The following PDLIM1 variants were observed in gnomAD, a reference collection of about 807,000 sequenced individuals.
PDLIM1 encodes the protein PDZ and LIM domain 1, also known as PDZ and LIM domain protein 1.
A neutral mutation model predicts 35.2 loss-of-function variants in PDLIM1; 25 were observed. The ratio of observed to expected loss-of-function variants is 0.71; its 90% CI spans 0.52 to 0.99. The LOEUF (loss-of-function observed/expected upper bound fraction) is 0.99. Ranked by LOEUF, PDLIM1 falls within the 50% of genes least tolerant of loss-of-function variation. The pLI is 0.00. For synonymous variants in PDLIM1, 152 were observed against 154.0 expected, an observed-to-expected ratio of 0.99 and a Z score of 0.10; for missense variants, 363 against 415.3, an observed-to-expected ratio of 0.87 and a Z score of 1.09.
intron 5 of PDLIM1, among the ~76,000 whole-genome samples, chr10:95,244,037 G>A (rs1179838893): frequency 1.3e-5 from 2 of 152,098 alleles, no homozygotes; most frequent in African/African-American, 4.8e-5. Context: ...GGTGATAGTA[G>A]CACAATCACA....
At chr10:95,259,949 T>G (rs2035346740) in intron 4 of PDLIM1, among the ~76,000 whole-genome samples, 1 of 152,176 alleles carries the variant, frequency 6.6e-6, no homozygotes. Flanking sequence ...CTGGCTGAAT[T>G]TAATGGGCAA....
intron 1 of PDLIM1, among the ~76,000 whole-genome samples, chr10:95,281,503 G>A (rs1320550088): frequency 1.3e-5 from 2 of 152,172 alleles, no homozygotes; most frequent in Non-Finnish European, 1.5e-5. Context: ...GGAAGTGGAG[G>A]CTGCAGTTAG....
At chr10:95,251,769 C>T (rs1242781134) in intron 4 of PDLIM1, among the ~76,000 whole-genome samples, 7 of 152,114 alleles carry the variant, frequency 4.6e-5, no homozygotes, top group African/African-American at 1.4e-4. Flanking sequence ...CCCAGTAAAA[C>T]CAAAAACCCT....
chr10:95,282,551 G>A (rs376282039), intron 1 of PDLIM1, among the ~76,000 whole-genome samples: 119 of 152,300 alleles, frequency 7.8e-4, no homozygotes, highest in Non-Finnish European at 1.6e-3. Flanking sequence ...TCAAAGAGAC[G>A]TGCTGCTCTC....
Position 95,290,922 on chromosome 10 carries a change from G to A in PDLIM1, c.-7C>T, listed in dbSNP as rs755855102. 1 of 1,534,892 alleles carries A rather than the reference G, an allele frequency of 6.5e-7. No homozygotes were observed. Among genetic ancestry groups the A allele is most frequent in the Admixed American group, 1.9e-5 (1 of 52,332 alleles). ...CTATCTGCTGGGTGGTCATGGCGCGGCTGTGGCGGGCGACGACCCGCGGGG... is the reference window on the plus strand; with the variant it reads ...CTATCTGCTGGGTGGTCATGGCGCGACTGTGGCGGGCGACGACCCGCGGGG... On this transcript the variant is annotated 5_prime_UTR_variant, in exon 1 of 7. Coordinates refer to ENST00000329399, the MANE Select transcript of PDLIM1 (RefSeq NM_020992.4). This position sits in a 1 kb window ranked among gnomAD's most constrained non-coding sequence, Gnocchi z 4.7.
intron 4 of PDLIM1, among the ~76,000 whole-genome samples, chr10:95,258,813 T>A (rs995911320): frequency 2.0e-5 from 3 of 152,058 alleles, no homozygotes; most frequent in Non-Finnish European, 2.9e-5. Flanking sequence ...ATAAATTTCA[T>A]GTTTTTTAAC....
intron 3 of PDLIM1, among the ~76,000 whole-genome samples, chr10:95,266,644 A>G (rs1224569551): frequency 2.6e-5 from 4 of 152,170 alleles, no homozygotes; most frequent in African/African-American, 9.7e-5. Context: ...GCACATATTC[A>G]ACCAGGGTCT....
chr10:95,288,820 G>A (rs527337731), intron 1 of PDLIM1, among the ~76,000 whole-genome samples: 3 of 152,294 alleles, frequency 2.0e-5, no homozygotes, highest in Admixed American at 6.5e-5. Context: ...CCTGCCAAGG[G>A]CATTATAAAG....
chr10:95,256,985 AAAAAGAAAGAAAGAAAGAAAGAAAG>A lies in PDLIM1; in HGVS notation c.533+6854_533+6878del, dbSNP rs1413916865. Among the ~76,000 whole-genome samples, 126 of 119,286 alleles carry A rather than the reference AAAAAGAAAGAAAGAAAGAAAGAAAG, an allele frequency of 1.1e-3. 2 individuals are homozygous for A. The highest frequency in any genetic ancestry group is 3.7e-3 in the Middle Eastern group (1 of 268). The allele number at this position is 119,286 out of a possible 152,430, so 78.3% of individuals were successfully genotyped here. A position where few individuals can be genotyped will look rare whatever the true frequency, so the allele number is the denominator to read the frequency against. On this transcript the variant is annotated intron_variant, in intron 4 of 6. Coordinates refer to ENST00000329399, the MANE Select transcript of PDLIM1 (RefSeq NM_020992.4). ...ATGAGACTTCATCTTAAAAAAAAAA[AAAAAGAAAGAAAGAAAGAAAGAAAG>A]AAAGAAAGAAAGAAAGAAAGAAAGA...
At chr10:95,241,262 C>G (rs1195080638) in intron 5 of PDLIM1, among the ~76,000 whole-genome samples, 1 of 152,204 alleles carries the variant, frequency 6.6e-6, no homozygotes, top group Non-Finnish European at 1.5e-5. Context: ...TTTATTTTTA[C>G]TGATTAGAGA....
chr10:95,256,985 AAAAAG>A (rs1308855911), intron 4 of PDLIM1, among the ~76,000 whole-genome samples: 5 of 119,286 alleles, frequency 4.2e-5, no homozygotes, highest in African/African-American at 1.5e-4. Context: ...AAAAAAAAAA[AAAAAG>A]AAAGAAAGAA....
intron 4 of PDLIM1, among the ~76,000 whole-genome samples, chr10:95,256,605 C>A (rs1052002678): frequency 3.9e-5 from 6 of 152,162 alleles, no homozygotes; most frequent in Non-Finnish European, 8.8e-5. Context: ...AGAATAATTT[C>A]TTCAATGGTG....
intron 4 of PDLIM1, among the ~76,000 whole-genome samples, chr10:95,256,567 A>C (rs1053239633): frequency 6.6e-6 from 1 of 152,216 alleles, no homozygotes; most frequent in African/African-American, 2.4e-5. Context: ...GATCTTCAAC[A>C]AGGGTGCCAC....
chr10:95,282,270 T>A (rs1317265357), intron 1 of PDLIM1, among the ~76,000 whole-genome samples: 1 of 152,232 alleles, frequency 6.6e-6, no homozygotes, highest in Admixed American at 6.5e-5. Flanking sequence ...GAACTCTCTT[T>A]AGTCAGAATC....
At chr10:95,285,736 C>G (rs1395698845) in intron 1 of PDLIM1, among the ~76,000 whole-genome samples, 1 of 152,176 alleles carries the variant, frequency 6.6e-6, no homozygotes. Flanking sequence ...ATGATGCAGG[C>G]AGTGTACTTA....
intron 4 of PDLIM1, among the ~76,000 whole-genome samples, chr10:95,260,771 T>C (rs1172803301): frequency 6.6e-6 from 1 of 152,376 alleles, no homozygotes; most frequent in South Asian, 2.1e-4. Flanking sequence ...GAGCCAATTC[T>C]GGAACTTCAG....
chr10:95,263,897 G>A lies in PDLIM1; in HGVS notation c.500C>T (p.Thr167Ile), dbSNP rs767503149. Residue 167 changes from threonine to isoleucine, a missense_variant, in exon 4 of 7, where the codon ACT becomes ATT. Physicochemically the swap from Thr to Ile is moderately conservative, Grantham distance 89. Transcript: ENST00000329399. ...GTTCGCCTCCACCCCGCTGGCAGCAGTCTTTGACTCCAGGGCATTGTTGAA... is the reference window on the plus strand; with the variant it reads ...GTTCGCCTCCACCCCGCTGGCAGCAATCTTTGACTCCAGGGCATTGTTGAA... Reference protein sequence around the residue: ...SNFNNALESKTAASGVEANSR... With the variant: ...SNFNNALESKIAASGVEANSR... The A allele has an allele frequency of 6.2e-7, 1 of 1,613,926 alleles. No homozygotes were observed. Among genetic ancestry groups the A allele is most frequent in the Admixed American group, 1.7e-5 (1 of 60,016 alleles).
Position 95,245,941 on chromosome 10 carries a change from G to C in PDLIM1, c.685+1274C>G, listed in dbSNP as rs565589767. ...TTTGAGGAGGGAGGTTCATCTTCCA[G>C]AGGGCACAAGCCTCTCAGCCAACAT... On this transcript the variant is annotated intron_variant, in intron 5 of 6. Coordinates refer to ENST00000329399, the MANE Select transcript of PDLIM1 (RefSeq NM_020992.4). 2.0e-5 allele frequency among the ~76,000 whole-genome samples: 3 copies of C among 152,328 alleles called. No individual in the cohort carries two copies. The East Asian group carries it at 5.8e-4, about 29-fold the overall frequency.
intron 3 of PDLIM1, among the ~76,000 whole-genome samples, chr10:95,267,959 C>A (rs1475054995): frequency 1.3e-5 from 2 of 152,172 alleles, no homozygotes; most frequent in African/African-American, 4.8e-5. Context: ...ATCCAACAGA[C>A]ACATACTTTG....
Sources: allele counts gnomAD v4.1 joint callset (sites outside exome capture counted in the v4.1 genomes callset), GRCh38; gene constraint gnomAD v4.1.1; non-coding constraint Gnocchi (gnomAD v3.1); transcripts MANE v1.5; gene names NCBI Gene and HGNC (gene_info 2026-07-23, HGNC 2026-07-21).